NR6A1: variants seen among roughly 807,000 people sequenced by gnomAD.
NR6A1 encodes the protein retinoic acid receptor-related testis-associated receptor.
Under a neutral mutation model 59.1 loss-of-function variants are expected in NR6A1, and 7 were observed. The ratio of observed to expected loss-of-function variants is 0.12; its 90% CI spans 0.07 to 0.22. The LOEUF (loss-of-function observed/expected upper bound fraction) is 0.22, where lower values mean the gene tolerates loss of function less well. Ranked by LOEUF, NR6A1 falls within the 10% of genes least tolerant of loss-of-function variation. The pLI, the probability that NR6A1 is intolerant of heterozygous loss-of-function variation, is 1.00. For missense variants in NR6A1, 468 were observed against 611.6 expected (o/e 0.77, Z 2.48); for synonymous variants, 243 against 236.1 (o/e 1.03, Z -0.27).
chr9:124,653,633 C>T (rs1837166423), intron 2 of NR6A1, among the ~76,000 whole-genome samples: 2 of 152,194 alleles, frequency 1.3e-5, no homozygotes, highest in South Asian at 4.1e-4. Context: ...GTCTCGAACT[C>T]CTGGCCTCAA....
intron 2 of NR6A1, among the ~76,000 whole-genome samples, chr9:124,585,437 G>A (rs932213432): frequency 4.6e-5 from 7 of 151,738 alleles, no homozygotes; most frequent in African/African-American, 1.2e-4. Context: ...CCAGCTACTC[G>A]GGAGGCTAAG....
At chr9:124,701,228 A>G (rs1005000972) in intron 2 of NR6A1, among the ~76,000 whole-genome samples, 5 of 152,182 alleles carry the variant, frequency 3.3e-5, no homozygotes, top group Non-Finnish European at 1.5e-5. Flanking sequence ...TACACATCCT[A>G]ACACTTTCTA....
rs1358421906 is a variant in NR6A1, at chr9:124,521,151, A to G, written c.*1554T>C. 1 of 152,300 alleles carries G rather than the reference A, an allele frequency of 6.6e-6. No homozygotes were observed. The highest frequency in any genetic ancestry group is 1.5e-5 in the Non-Finnish European group (1 of 68,098). 9.4% of individuals were successfully genotyped at this position (152,300 alleles called of 1,614,324 possible). ...GCCAACTAAGTGGTCTGCTTGCCAC[A>G]CTGGCTGTGAAAGATACCTGGGTGT... is the stretch of plus-strand genomic sequence containing the variant. On this transcript the variant is annotated 3_prime_UTR_variant, in exon 10 of 10. Coordinates refer to ENST00000487099, the MANE Select transcript of NR6A1 (RefSeq NM_033334.4).
At chr9:124,668,417 T>C (rs940212639) in intron 2 of NR6A1, among the ~76,000 whole-genome samples, 1 of 152,186 alleles carries the variant, frequency 6.6e-6, no homozygotes, top group Non-Finnish European at 1.5e-5. Flanking sequence ...TAAGTGGACC[T>C]GCGTGATTCA....
chr9:124,730,410 T>C (rs1428993641), intron 2 of NR6A1, among the ~76,000 whole-genome samples: 2 of 152,040 alleles, frequency 1.3e-5, no homozygotes, highest in African/African-American at 4.8e-5. Context: ...AAATTTTCTT[T>C]GCAGAGACGG....
chr9:124,724,027 T>C (rs1342970093), intron 2 of NR6A1, among the ~76,000 whole-genome samples: 1 of 152,218 alleles, frequency 6.6e-6, no homozygotes, highest in African/African-American at 2.4e-5. Context: ...AAAATCTAAA[T>C]GCTCAACAAT....
In NR6A1 at chr9:124,672,106, C is replaced by T. The variant is rs116341946; in HGVS notation, c.142+61202G>A. ...TTTCCTCAACATCCTGTCTGGGAGA[C>T]GCAACCATGCTGCGGCATGTTGTGA... On this transcript the variant is annotated intron_variant, in intron 2 of 9. Coordinates refer to ENST00000487099, the MANE Select transcript of NR6A1 (RefSeq NM_033334.4). 8.9e-3 allele frequency among the ~76,000 whole-genome samples: 1,356 copies of T among 152,238 alleles called. 19 individuals are homozygous for T. Among genetic ancestry groups the T allele is most frequent in the African/African-American group, 0.031 (1,282 of 41,544 alleles).
intron 2 of NR6A1, among the ~76,000 whole-genome samples, chr9:124,688,114 G>C (rs1180032195): frequency 6.6e-6 from 1 of 152,126 alleles, no homozygotes; most frequent in African/African-American, 2.4e-5. Flanking sequence ...TTGAGGCATG[G>C]AGTTTGAGAC....
At chr9:124,673,589 T>C (rs1047048634) in intron 2 of NR6A1, among the ~76,000 whole-genome samples, 3 of 152,120 alleles carry the variant, frequency 2.0e-5, no homozygotes, top group Non-Finnish European at 4.4e-5. Context: ...AATGCCCCAC[T>C]ATGACTTTTA....
chr9:124,702,099 A>T (rs1838977463), intron 2 of NR6A1, among the ~76,000 whole-genome samples: 1 of 152,174 alleles, frequency 6.6e-6, no homozygotes, highest in South Asian at 2.1e-4. Flanking sequence ...CGTATTTTGA[A>T]ATGCAAAAGT....
intron 2 of NR6A1, among the ~76,000 whole-genome samples, chr9:124,645,072 G>C (rs1836892807): frequency 3.9e-5 from 6 of 152,130 alleles, no homozygotes; most frequent in Admixed American, 1.3e-4. Context: ...AATAGACTTG[G>C]ATTGGTTATA....
At chr9:124,627,910 T>TTTAAAAA (rs1564207726) in intron 2 of NR6A1, among the ~76,000 whole-genome samples, 1 of 90,302 alleles carries the variant, frequency 1.1e-5, no homozygotes, top group Non-Finnish European at 2.3e-5. Context: ...TTTTTTTTTT[T>TTTAAAAA]CAAAACAAAG....
chr9:124,674,331 T>G (rs1405840272), intron 2 of NR6A1, among the ~76,000 whole-genome samples: 17 of 152,338 alleles, frequency 1.1e-4, no homozygotes, highest in African/African-American at 4.1e-4. Context: ...AGTATCAAAC[T>G]GAGTATGAAA....
rs143329250 is a variant in NR6A1, at chr9:124,610,692, T to C, written c.143-56122A>G. On this transcript the variant is annotated intron_variant, in intron 2 of 9. Transcript: ENST00000487099. The stretch of plus-strand genomic sequence containing the variant: ...AAGAAATGGTACCAGCTCCTCTTTG[T>C]ACCTCTGGTAGAATTCAGCTGTAAA... 1.2e-3 allele frequency among the ~76,000 whole-genome samples: 185 copies of C among 152,306 alleles called. 2 individuals are homozygous for C. The highest frequency in any genetic ancestry group is 3.9e-3 in the African/African-American group (164 of 41,570).
chr9:124,667,846 T>C (rs1837670655), intron 2 of NR6A1, among the ~76,000 whole-genome samples: 1 of 152,176 alleles, frequency 6.6e-6, no homozygotes, highest in Non-Finnish European at 1.5e-5. Context: ...AGAACAAAAA[T>C]ATAAAGACAA....
At chr9:124,649,272 G>C (rs1308752797) in intron 2 of NR6A1, among the ~76,000 whole-genome samples, 3 of 146,876 alleles carry the variant, frequency 2.0e-5, no homozygotes, top group Non-Finnish European at 4.5e-5. Context: ...TAGACCGATG[G>C]AACAGAATAG....
chr9:124,565,711 T>C (rs1037804803), intron 2 of NR6A1, among the ~76,000 whole-genome samples: 1 of 152,308 alleles, frequency 6.6e-6, no homozygotes, highest in Admixed American at 6.5e-5. Context: ...ACATAATCAA[T>C]AAACTTATGA....
chr9:124,540,257 T>G, intron 4 of NR6A1, 70 bp from the exon 5 acceptor site: 3 of 1,483,474 alleles, frequency 2.0e-6, no homozygotes, highest in Non-Finnish European at 2.7e-6. Flanking sequence ...GACTGAGAGC[T>G]TATTTAAATC....
At chr9:124,532,276 C>T (rs2131335374) in intron 7 of NR6A1, among the ~76,000 whole-genome samples, 1 of 152,168 alleles carries the variant, frequency 6.6e-6, no homozygotes, top group East Asian at 1.9e-4. Context: ...TCCTGCCTTC[C>T]TTCCTTCCTG....
Sources: allele counts gnomAD v4.1 joint callset (sites outside exome capture counted in the v4.1 genomes callset), GRCh38; gene constraint gnomAD v4.1.1; transcripts MANE v1.5; gene names NCBI Gene and HGNC (gene_info 2026-07-23, HGNC 2026-07-21).